The following PTPRD variants were observed in gnomAD, a reference collection of about 807,000 sequenced individuals.
PTPRD encodes protein tyrosine phosphatase receptor type D.
Under a neutral mutation model 214.5 loss-of-function variants are expected in PTPRD, and 34 were observed. The observed-to-expected ratio is 0.16, with a 90% CI of 0.12 to 0.21. PTPRD has a LOEUF of 0.21. PTPRD is among the 10% of genes least tolerant of loss of function. The pLI, the probability that PTPRD is intolerant of heterozygous loss-of-function variation, is 1.00. For synonymous variants in PTPRD, 1,128 were observed against 845.7 expected (o/e 1.33, Z -5.79); for missense variants, 2,545 against 2,398.7 (o/e 1.06, Z -1.27).
chr9:8,470,249 T>G (rs1055011420), intron 31 of PTPRD, among the ~76,000 whole-genome samples: 4 of 152,110 alleles, frequency 2.6e-5, no homozygotes, highest in Non-Finnish European at 4.4e-5. Flanking sequence ...AGCTCAACAC[T>G]TCTGGATCAT....
chr9:8,450,130 T>C (rs964971663), intron 33 of PTPRD, among the ~76,000 whole-genome samples: 3 of 152,196 alleles, frequency 2.0e-5, no homozygotes, highest in Non-Finnish European at 2.9e-5. Context: ...GAGATACGCA[T>C]GGACCCTTAT....
chr9:8,900,100 T>C (rs1056028218), intron 11 of PTPRD, among the ~76,000 whole-genome samples: 1 of 152,218 alleles, frequency 6.6e-6, no homozygotes, highest in Non-Finnish European at 1.5e-5. Context: ...ATTCAACGAC[T>C]GTTGGTCATT....
chr9:8,533,127 T>A (rs2076124356), intron 14 of PTPRD, among the ~76,000 whole-genome samples: 1 of 152,076 alleles, frequency 6.6e-6, no homozygotes, highest in Non-Finnish European at 1.5e-5. Flanking sequence ...GCATAAACAA[T>A]ATTAACGATG....
At chr9:9,806,340 T>C (rs2099072986) in intron 5 of PTPRD, among the ~76,000 whole-genome samples, 5 of 152,126 alleles carry the variant, frequency 3.3e-5, no homozygotes, top group Admixed American at 3.3e-4. Context: ...TAAGGTCCTC[T>C]GAGCTGGCCG....
At chr9:10,336,728 A>G (rs2096850713) in intron 3 of PTPRD, among the ~76,000 whole-genome samples, 1 of 151,560 alleles carries the variant, frequency 6.6e-6, no homozygotes, top group Admixed American at 6.6e-5. Flanking sequence ...ACAAATAACA[A>G]TCGGCAGAAA....
intron 3 of PTPRD, among the ~76,000 whole-genome samples, chr9:10,141,776 A>C (rs2098987103): frequency 6.6e-6 from 1 of 152,126 alleles, no homozygotes; most frequent in South Asian, 2.1e-4. Context: ...GGAACCAAAA[A>C]AGAGCCCGCA....
chr9:9,914,413 G>A (rs2080092495), intron 5 of PTPRD, among the ~76,000 whole-genome samples: 1 of 152,272 alleles, frequency 6.6e-6, no homozygotes. Flanking sequence ...ACCCCTAGTG[G>A]ACATGCTGAG....
intron 11 of PTPRD, among the ~76,000 whole-genome samples, chr9:9,013,300 T>C (rs1208570272): frequency 6.6e-6 from 1 of 152,040 alleles, no homozygotes; most frequent in Non-Finnish European, 1.5e-5. Context: ...CTCAAGGTGA[T>C]GGGCAAAATA....
chr9:8,594,140 C>T (rs2094323822), intron 14 of PTPRD, among the ~76,000 whole-genome samples: 1 of 152,150 alleles, frequency 6.6e-6, no homozygotes, highest in Non-Finnish European at 1.5e-5. Context: ...ATTGGTTTGA[C>T]ATGTGAAATC....
intron 18 of PTPRD, among the ~76,000 whole-genome samples, chr9:8,523,874 T>C (rs1400934613): frequency 1.3e-5 from 2 of 151,876 alleles, no homozygotes; most frequent in Admixed American, 1.3e-4. Flanking sequence ...CCAGACTCCA[T>C]AAAAAAAGAA....
chr9:10,060,111 T>C (rs888529139), intron 3 of PTPRD, among the ~76,000 whole-genome samples: 4 of 152,044 alleles, frequency 2.6e-5, no homozygotes, highest in Non-Finnish European at 5.9e-5. Flanking sequence ...CTGCATAATG[T>C]GTTTGCTAAA....
chr9:9,363,695 C>G (rs763628574), intron 9 of PTPRD, among the ~76,000 whole-genome samples: 1 of 151,236 alleles, frequency 6.6e-6, no homozygotes, highest in African/African-American at 2.4e-5. Flanking sequence ...TATTCAGCAG[C>G]CTTTCCTACA....
At chr9:8,392,227 AT>A (rs1481371841) in intron 36 of PTPRD, among the ~76,000 whole-genome samples, 3 of 152,078 alleles carry the variant, frequency 2.0e-5, no homozygotes, top group African/African-American at 7.2e-5. Flanking sequence ...CTACAAAAAA[AT>A]AAAAATAAAA....
At chr9:10,037,900 C>T (rs994341374) in intron 3 of PTPRD, among the ~76,000 whole-genome samples, 1 of 152,022 alleles carries the variant, frequency 6.6e-6, no homozygotes, top group Non-Finnish European at 1.5e-5. Context: ...TTATTATGTT[C>T]TTCATTTTAT....
chr9:8,834,241 C>A (rs1414126333), intron 11 of PTPRD, among the ~76,000 whole-genome samples: 1 of 151,918 alleles, frequency 6.6e-6, no homozygotes, highest in Non-Finnish European at 1.5e-5. Context: ...GACAAGGAAG[C>A]TTTCTTACGT....
At chr9:10,140,545 C>G (rs1813157225) in intron 3 of PTPRD, among the ~76,000 whole-genome samples, 1 of 152,092 alleles carries the variant, frequency 6.6e-6, no homozygotes, top group Admixed American at 6.6e-5. Flanking sequence ...CAAGACTAAA[C>G]CAGGAAGGAG....
chr9:9,577,621 ATAAC>A (rs890735932), intron 7 of PTPRD, among the ~76,000 whole-genome samples: 2 of 152,106 alleles, frequency 1.3e-5, no homozygotes, highest in Non-Finnish European at 1.5e-5. Flanking sequence ...ATGTGCATAA[ATAAC>A]TATTTTCAGA....
At position 8,918,654 on chromosome 9, in the gene PTPRD, T is replaced by C. The variant is rs1320425366; in HGVS notation, c.-104+100043A>G. ...AAACATATTGCACACTTTCCTTCTC[T>C]GGATGCATAAAAGGTGCTTTTCCTA... is the stretch of plus-strand genomic sequence containing the variant. On this transcript the variant is annotated intron_variant, in intron 11 of 45. Coordinates refer to ENST00000381196, the MANE Select transcript of PTPRD (RefSeq NM_002839.4). Among the ~76,000 whole-genome samples the C allele has an allele frequency of 7.9e-5, 12 of 152,206 alleles. No individual in the cohort carries two copies. In the South Asian group the frequency reaches 8.3e-4, roughly 10 times the overall value.
intron 35 of PTPRD, among the ~76,000 whole-genome samples, chr9:8,423,769 T>C (rs2094500607): frequency 6.6e-6 from 1 of 152,126 alleles, no homozygotes; most frequent in Non-Finnish European, 1.5e-5. Flanking sequence ...AACTATCCCC[T>C]GTGAGAGTTA....
Sources: allele counts gnomAD v4.1 joint callset (sites outside exome capture counted in the v4.1 genomes callset), GRCh38; gene constraint gnomAD v4.1.1; transcripts MANE v1.5; gene names NCBI Gene and HGNC (gene_info 2026-07-23, HGNC 2026-07-21).